Variants in ZNF518B observed in about 807,000 individuals in gnomAD.
ZNF518B encodes the protein zinc finger protein 518B.
Under a neutral mutation model 56.3 loss-of-function variants are expected in ZNF518B, and 23 were observed. That is an observed-to-expected ratio of 0.41 (90% CI 0.29 to 0.58). ZNF518B has a LOEUF of 0.58. ZNF518B is among the 20% of genes least tolerant of loss of function. The pLI, the probability that ZNF518B is intolerant of heterozygous loss-of-function variation, is 0.32. For missense variants in ZNF518B, 1,460 were observed against 1,272.1 expected (o/e 1.15, Z -2.25); for synonymous variants, 529 against 465.9 (o/e 1.14, Z -1.74).
chr4:10,452,665 T>A (rs1304304370), intron 2 of ZNF518B: 2 of 152,314 alleles, frequency 1.3e-5, no homozygotes, highest in East Asian at 3.9e-4. Context: ...TTTGAAAGCA[T>A]CTTCTTGGCT....
chr4:10,446,128 G>C lies in ZNF518B; in HGVS notation c.201C>G (p.His67Gln), dbSNP rs1715038669. ...TCTGCAAATCTTGAAGAGAGATCTT[G>C]TGAACACTTTTGCACTTTGCACATG... The part of the protein sequence containing the change: ...IATCAKCKSV[H>Q]KISLQDLQKG... Residue 67 changes from histidine to glutamine, a missense_variant, in exon 3 of 3, where the codon CAC becomes CAG. Coordinates refer to ENST00000326756, the MANE Select transcript of ZNF518B (RefSeq NM_053042.3). 4 of 1,614,184 alleles carry C rather than the reference G, an allele frequency of 2.5e-6. No individual in the cohort carries two copies. Among genetic ancestry groups the C allele is most frequent in the Non-Finnish European group, 2.5e-6 (3 of 1,180,038 alleles).
Position 10,441,498 on chromosome 4 carries a change from T to A in ZNF518B, c.*1606A>T, listed in dbSNP as rs968975600. ...ACTACCCAATAAACAATCACTGGTG[T>A]CTTTTTCAGGTGCAACAACTCTTTA... On this transcript the variant is annotated 3_prime_UTR_variant, in exon 3 of 3. Transcript: ENST00000326756. The A allele has an allele frequency of 1.3e-5, 2 of 151,274 alleles. No homozygotes were observed. The highest frequency in any genetic ancestry group is 2.4e-5 in the African/African-American group (1 of 40,960). The allele number at this position is 151,274 out of a possible 1,614,324, so 9.4% of individuals were successfully genotyped here.
upstream of ZNF518B, among the ~76,000 whole-genome samples, chr4:10,461,303 C>T (rs906896458): frequency 1.3e-5 from 2 of 152,232 alleles, no homozygotes. Flanking sequence ...TCTCTTGGCT[C>T]TCCTGGCCCG....
rs1392540806 is a variant in ZNF518B, at chr4:10,444,242, G to C, written c.2087C>G (p.Ser696Ter). 1 of 1,614,084 alleles carries C rather than the reference G, an allele frequency of 6.2e-7. No homozygotes were observed. The highest frequency in any genetic ancestry group is 8.5e-7 in the Non-Finnish European group (1 of 1,180,054). ...SAHRRSVGQA[S>*]KGTSKATSEG... is the part of the protein sequence containing the mutation. ...AGAGGTAGCTTTTGAAGTTCCCTTTGATGCCTGCCCTACAGAGCGACGATG... is the reference window on the plus strand; with the variant it reads ...AGAGGTAGCTTTTGAAGTTCCCTTTCATGCCTGCCCTACAGAGCGACGATG... Residue 696 changes from serine to a stop codon, truncating the protein, a stop_gained, in exon 3 of 3, where the codon TCA becomes TGA. Transcript: ENST00000326756. LOFTEE classifies it high-confidence loss of function.
Position 10,445,694 on chromosome 4 carries a change from A to C in ZNF518B, c.635T>G (p.Val212Gly). 6.2e-7 allele frequency: 1 copy of C among 1,613,736 alleles called. No individual in the cohort carries two copies. Among genetic ancestry groups the C allele is most frequent in the South Asian group, 1.1e-5 (1 of 91,058 alleles). ...CCGTTTCGCACCTGCCCTTTCATGT[A>C]CTCTCTTCGTGTGTTTGACAATATA... ...NDYIVKHTKR[V>G]HERAGAKRPV... The change falls in exon 3 of 3, where the codon GTA becomes GGA. Residue 212 changes from valine to glycine, a missense_variant. By Grantham distance (109) the Val-to-Gly change is moderately radical. Coordinates refer to ENST00000326756, the MANE Select transcript of ZNF518B (RefSeq NM_053042.3).
At chr4:10,447,261 C>T (rs2108989876) in intron 2 of ZNF518B, among the ~76,000 whole-genome samples, 1 of 152,252 alleles carries the variant, frequency 6.6e-6, no homozygotes, top group Middle Eastern at 3.4e-3. Flanking sequence ...GGGAAAAAAG[C>T]AAGGCCAACA....
chr4:10,442,942 A>G lies in ZNF518B; in HGVS notation c.*162T>C. On this transcript the variant is annotated 3_prime_UTR_variant, in exon 3 of 3. Coordinates refer to ENST00000326756, the MANE Select transcript of ZNF518B (RefSeq NM_053042.3). ...CAAATACATTCTGGGGTCCAATCACATACTTCAGGTTCAGACTCCTAGCTC... is the reference window on the plus strand; with the variant it reads ...CAAATACATTCTGGGGTCCAATCACGTACTTCAGGTTCAGACTCCTAGCTC... 1.6e-6 allele frequency: 1 copy of G among 626,510 alleles called. No homozygotes were observed. The highest frequency in any genetic ancestry group is 2.8e-5 in the East Asian group (1 of 36,160). The allele number at this position is 626,510 out of a possible 1,614,324, so 38.8% of individuals were successfully genotyped here.
rs1295405465 is a variant in ZNF518B, at chr4:10,454,842, A to G, written c.-249T>C. 1 of 152,258 alleles carries G rather than the reference A, an allele frequency of 6.6e-6. No individual in the cohort carries two copies. The highest frequency in any genetic ancestry group is 6.5e-5 in the Admixed American group (1 of 15,280). 9.4% of individuals were successfully genotyped at this position (152,258 alleles called of 1,614,324 possible). On this transcript the variant is annotated 5_prime_UTR_variant, in exon 2 of 3. Coordinates refer to ENST00000326756, the MANE Select transcript of ZNF518B (RefSeq NM_053042.3). ...GCCTTGGAGTTGCAGATGTAAGTCA[A>G]AACCGTGGCAAGTCCCATGGGCTCT...
rs771120072 is a variant in ZNF518B at position 10,445,821 on chromosome 4, T to G, written c.508A>C (p.Ile170Leu). The change falls in exon 3 of 3, where the codon ATT becomes CTT. Residue 170 changes from isoleucine (I) to leucine (L), a missense_variant. By Grantham distance (5) the Ile-to-Leu change is conservative. Transcript: ENST00000326756. ...TGAAACTCTCCTTTCGTATACGAAA[T>G]GTAGCTGCAGTGAGAACAAATGAAT... Reference protein sequence around the residue: ...IKFICSHCSYISYTKGEFQRH... With the variant: ...IKFICSHCSYLSYTKGEFQRH... The G allele has an allele frequency of 1.9e-6, 3 of 1,614,142 alleles. No homozygotes were observed. In the African/African-American group the frequency reaches 4.0e-5, roughly 22 times the overall value.
Position 10,443,531 on chromosome 4 carries a change from A to G in ZNF518B, c.2798T>C (p.Leu933Ser). The part of the protein sequence containing the change: ...LRLIAAKPDQ[L>S]IKCPRRNQPV... The stretch of plus-strand genomic sequence containing the variant: ...CTGGTTCCGACGGGGACACTTAATC[A>G]ACTGATCTGGCTTAGCTGCTATCAG... The change falls in exon 3 of 3, where the codon TTG becomes TCG. Residue 933 changes from leucine to serine, a missense_variant. By Grantham distance (145) the Leu-to-Ser change is moderately radical. Transcript: ENST00000326756. The G allele has an allele frequency of 1.9e-6, 3 of 1,613,992 alleles. No homozygotes were observed. The highest frequency in any genetic ancestry group is 2.5e-6 in the Non-Finnish European group (3 of 1,179,842).
At chr4:10,449,721 G>A (rs1715225529) in intron 2 of ZNF518B, among the ~76,000 whole-genome samples, 1 of 152,172 alleles carries the variant, frequency 6.6e-6, no homozygotes, top group African/African-American at 2.4e-5. Flanking sequence ...TAGTGTGTGA[G>A]AAAGAAACCT....
rs2108980402 is a variant in ZNF518B at position 10,441,468 on chromosome 4, A to T, written c.*1636T>A. On this transcript the variant is annotated 3_prime_UTR_variant, in exon 3 of 3. Coordinates refer to ENST00000326756, the MANE Select transcript of ZNF518B (RefSeq NM_053042.3). ...AAAAAAAAAAAAAATCAAAGTCTCCAATCGACTACCCAATAAACAATCACT... is the reference window on the plus strand; with the variant it reads ...AAAAAAAAAAAAAATCAAAGTCTCCTATCGACTACCCAATAAACAATCACT... 6.7e-6 allele frequency: 1 copy of T among 149,742 alleles called. No individual in the cohort carries two copies. The highest frequency in any genetic ancestry group is 2.1e-4 in the South Asian group (1 of 4,728). 9.3% of individuals were successfully genotyped at this position (149,742 alleles called of 1,614,324 possible).
intron 2 of ZNF518B, chr4:10,452,131 T>C (rs1334733584): frequency 1.3e-5 from 2 of 152,204 alleles, no homozygotes; most frequent in Non-Finnish European, 2.9e-5. Context: ...TCTACCATAC[T>C]CATTGCTGGG....
chr4:10,446,033 T>C lies in ZNF518B; in HGVS notation c.296A>G (p.His99Arg). Residue 99 changes from histidine to arginine, a missense_variant, in exon 3 of 3, where the codon CAT (histidine) becomes CGT (arginine). By Grantham distance (29) the His-to-Arg change is conservative. Coordinates refer to ENST00000326756, the MANE Select transcript of ZNF518B (RefSeq NM_053042.3). ...CGCACTGGAATTATTGCTCACAAAA[T>C]GAAAATTGGGAGGAGCTGCACCGAG... The part of the protein sequence containing the change: ...CSLGAAPPNF[H>R]FVSNNSSATH... 2 of 1,614,104 alleles carry C rather than the reference T, an allele frequency of 1.2e-6. No individual in the cohort carries two copies. Among genetic ancestry groups the C allele is most frequent in the Non-Finnish European group, 1.7e-6 (2 of 1,180,014 alleles).
chr4:10,457,750 A>C (rs939106385), upstream of ZNF518B, among the ~76,000 whole-genome samples: 1 of 152,224 alleles, frequency 6.6e-6, no homozygotes, highest in Non-Finnish European at 1.5e-5. Context: ...TGGAGCCTGC[A>C]GTCCTGCAGT....
At chr4:10,456,411 T>C (rs1715528846) in intron 1 of ZNF518B, among the ~76,000 whole-genome samples, 1 of 152,158 alleles carries the variant, frequency 6.6e-6, no homozygotes, top group African/African-American at 2.4e-5. Context: ...GACACCAAGA[T>C]AAGACGGGCA....
Position 10,443,549 on chromosome 4 carries a change from G to A in ZNF518B, c.2780C>T (p.Ala927Val). 5 of 1,614,162 alleles carry A rather than the reference G, an allele frequency of 3.1e-6. No homozygotes were observed. The highest frequency in any genetic ancestry group is 4.2e-6 in the Non-Finnish European group (5 of 1,180,016). ...FQVARQLRLI[A>V]AKPDQLIKCP... ...CTTAATCAACTGATCTGGCTTAGCT[G>A]CTATCAGTCTTAGTTGCCTTGCAAC... The change falls in exon 3 of 3, where the codon GCA becomes GTA. Residue 927 changes from alanine to valine, a missense_variant. Transcript: ENST00000326756.
chr4:10,443,902 T>C lies in ZNF518B; in HGVS notation c.2427A>G (p.Lys809=), dbSNP rs1377276745. The change falls in exon 3 of 3, where the codon AAA becomes AAG. Residue 809 remains lysine (K), a synonymous_variant. Coordinates refer to ENST00000326756, the MANE Select transcript of ZNF518B (RefSeq NM_053042.3). The part of the protein sequence containing the change: ...SIPCSERQLI[K]PVPFCPVRQA... ...GTCTCACAGGGCAAAATGGAACTGG[T>C]TTTATTAACTGTCTTTCACTGCAAG... The C allele has an allele frequency of 1.9e-6, 3 of 1,614,174 alleles. No homozygotes were observed. The East Asian group carries it at 6.7e-5, about 36-fold the overall frequency.
In ZNF518B at chr4:10,445,470, C is replaced by A; in HGVS notation, c.859G>T (p.Asp287Tyr). ...ATTTTATTTGGAATACAAACTACAT[C>A]TTTTTGGTATTCCTTTGGTTCAGGT... The part of the protein sequence containing the change: ...LLPEPKEYQK[D>Y]VVCIPNKMTL... Residue 287 changes from aspartate to tyrosine, a missense_variant, in exon 3 of 3, where the codon GAT becomes TAT. By Grantham distance (160) the Asp-to-Tyr change is radical (BLOSUM62 -3). Coordinates refer to ENST00000326756, the MANE Select transcript of ZNF518B (RefSeq NM_053042.3). 4 of 1,614,160 alleles carry A rather than the reference C, an allele frequency of 2.5e-6. No homozygotes were observed. Among genetic ancestry groups the A allele is most frequent in the Non-Finnish European group, 2.5e-6 (3 of 1,180,030 alleles).
Sources: allele counts gnomAD v4.1 joint callset (sites outside exome capture counted in the v4.1 genomes callset), GRCh38; gene constraint gnomAD v4.1.1; transcripts MANE v1.5; gene names NCBI Gene and HGNC (gene_info 2026-07-23, HGNC 2026-07-21).